DPH6: variants seen among roughly 807,000 people sequenced by gnomAD.
DPH6 encodes the protein diphthine--ammonia ligase.
A neutral mutation model predicts 38.2 loss-of-function variants in DPH6; 33 were observed. The observed-to-expected ratio is 0.86, with a 90% CI of 0.65 to 1.15. The LOEUF (loss-of-function observed/expected upper bound fraction) is 1.15, where lower values mean the gene tolerates loss of function less well. Ranked by LOEUF, DPH6 falls within the 50% of genes most tolerant of loss-of-function variation. The probability of loss-of-function intolerance (pLI) is 0.00; values close to 1 mark genes in which losing one functional copy is unlikely to be tolerated. For synonymous variants in DPH6, 108 were observed against 103.0 expected (o/e 1.05, Z -0.30); for missense variants, 325 against 320.0 (o/e 1.02, Z -0.12).
intron 6 of DPH6, among the ~76,000 whole-genome samples, chr15:35,387,531 G>A (rs1354733473): frequency 6.6e-6 from 1 of 152,154 alleles, no homozygotes; most frequent in Non-Finnish European, 1.5e-5. Flanking sequence ...GCAGTAGTTT[G>A]TAGTTCTCCT....
chr15:35,285,679 TTAAG>T (rs1045243789), intron 3 of DPH6, among the ~76,000 whole-genome samples: 1 of 152,048 alleles, frequency 6.6e-6, no homozygotes, highest in Non-Finnish European at 1.5e-5. Context: ...TCAATGAAAA[TTAAG>T]TAATTACTTA....
chr15:35,370,311 A>G (rs1464729802), downstream of DPH6, among the ~76,000 whole-genome samples: 1 of 151,806 alleles, frequency 6.6e-6, no homozygotes, highest in Non-Finnish European at 1.5e-5. Flanking sequence ...CATTAAAAGC[A>G]TAATACTAGA....
chr15:35,412,868 T>C (rs2053385192), intron 5 of DPH6, among the ~76,000 whole-genome samples: 1 of 151,622 alleles, frequency 6.6e-6, no homozygotes, highest in Admixed American at 6.6e-5. Context: ...AGATGATTTG[T>C]AGGGTAGAAA....
chr15:35,418,538 A>T (rs2053464757), intron 5 of DPH6, among the ~76,000 whole-genome samples: 1 of 152,158 alleles, frequency 6.6e-6, no homozygotes, highest in South Asian at 2.1e-4. Context: ...GAAATTAATT[A>T]GGAGGAAGAA....
chr15:35,438,644 A>T (rs1207882172), intron 5 of DPH6, among the ~76,000 whole-genome samples: 4 of 152,146 alleles, frequency 2.6e-5, no homozygotes, highest in Non-Finnish European at 4.4e-5. Flanking sequence ...CTGTGTGGTT[A>T]TATATATGTT....
chr15:35,448,111 C>T (rs2053880684), intron 5 of DPH6, among the ~76,000 whole-genome samples: 1 of 151,954 alleles, frequency 6.6e-6, no homozygotes, highest in African/African-American at 2.4e-5. Flanking sequence ...TTTTTAGCAA[C>T]TAGATATATC....
intron 3 of DPH6, among the ~76,000 whole-genome samples, chr15:35,537,769 C>T (rs780976607): frequency 3.3e-5 from 5 of 152,110 alleles, no homozygotes; most frequent in African/African-American, 7.2e-5. Context: ...GCCCTGCCAT[C>T]ATGTGCAATC....
At chr15:35,291,262 T>C (rs2051978327) in intron 3 of DPH6, among the ~76,000 whole-genome samples, 1 of 152,086 alleles carries the variant, frequency 6.6e-6, no homozygotes, top group Non-Finnish European at 1.5e-5. Context: ...TGTCTGTGAG[T>C]AACTTACATG....
chr15:35,464,401 T>A lies in DPH6; in HGVS notation c.313-9581A>T, dbSNP rs189256584. On this transcript the variant is annotated intron_variant, in intron 3 of 8. Transcript: ENST00000256538. Reference sequence around the variant, plus strand: ...AGGATAACATTAGGAAATACTTTTTTAAAAAATTATATTCCAGATACTAAA... The same window carrying A: ...AGGATAACATTAGGAAATACTTTTTAAAAAAATTATATTCCAGATACTAAA... Among the ~76,000 whole-genome samples the A allele has an allele frequency of 3.8e-3, 578 of 152,296 alleles. 2 individuals carry two copies. The highest frequency in any genetic ancestry group is 8.6e-3 in the Admixed American group (131 of 15,300).
intron 3 of DPH6, among the ~76,000 whole-genome samples, chr15:35,309,377 A>G (rs1172358132): frequency 6.6e-6 from 1 of 152,218 alleles, no homozygotes; most frequent in Non-Finnish European, 1.5e-5. Context: ...ATTTTCCTCA[A>G]CCCATCCTAG....
At chr15:35,172,915 G>C in the DPH6 span, among the ~76,000 whole-genome samples, 2 of 152,080 alleles carry the variant, frequency 1.3e-5, no homozygotes, top group African/African-American at 4.8e-5. Context: ...TCAGCCTTCC[G>C]AGTAGCTGGG....
intron 3 of DPH6, among the ~76,000 whole-genome samples, chr15:35,337,252 C>T (rs1566873483): frequency 1.3e-5 from 2 of 152,130 alleles, no homozygotes; most frequent in African/African-American, 2.4e-5. Context: ...TTGTAGTATT[C>T]TCTGATGGTA....
At chr15:35,269,683 C>T (rs1366192191) in intron 3 of DPH6, among the ~76,000 whole-genome samples, 1 of 151,340 alleles carries the variant, frequency 6.6e-6, no homozygotes, top group East Asian at 2.0e-4. Context: ...CGTGATCCGC[C>T]CGCCTCGGCC....
At chr15:35,352,464 T>G (rs1053200001) in intron 3 of DPH6, among the ~76,000 whole-genome samples, 59 of 152,280 alleles carry the variant, frequency 3.9e-4, no homozygotes, top group Non-Finnish European at 1.2e-4. Context: ...CGGTGTGTGA[T>G]GTTCCCCTTC....
chr15:35,432,140 G>T (rs11635771), intron 5 of DPH6, among the ~76,000 whole-genome samples: 34,866 of 152,026 alleles, frequency 0.23, 4,154 homozygotes, highest in South Asian at 0.37. Flanking sequence ...GGTGGATGAA[G>T]AAAATATGGA....
the DPH6 span, among the ~76,000 whole-genome samples, chr15:35,207,038 C>CTTTTTTTT: frequency 1.4e-5 from 1 of 74,068 alleles, no homozygotes. Context: ...TTTAGTAAAG[C>CTTTTTTTT]TTTTTTTTTT....
At chr15:35,395,686 A>G (rs956833256) in intron 6 of DPH6, among the ~76,000 whole-genome samples, 2 of 152,192 alleles carry the variant, frequency 1.3e-5, no homozygotes, top group African/African-American at 4.8e-5. Context: ...TCATGTGGGC[A>G]TCTTCCATCT....
At chr15:35,336,733 T>C (rs758075580) in intron 3 of DPH6, among the ~76,000 whole-genome samples, 29 of 152,206 alleles carry the variant, frequency 1.9e-4, no homozygotes, top group Non-Finnish European at 4.1e-4. Flanking sequence ...GTTCTGTTTA[T>C]ATGCTGGATT....
intron 3 of DPH6, among the ~76,000 whole-genome samples, chr15:35,463,378 TA>T (rs375603808): frequency 1.4e-4 from 1 of 7,008 alleles, no homozygotes; most frequent in Non-Finnish European, 2.8e-4. Flanking sequence ...GTGCACAAGT[TA>T]TATAAATATT....
Sources: allele counts gnomAD v4.1 joint callset (sites outside exome capture counted in the v4.1 genomes callset), GRCh38; gene constraint gnomAD v4.1.1; transcripts MANE v1.5; gene names NCBI Gene and HGNC (gene_info 2026-07-23, HGNC 2026-07-21).